The following CDH1 variants were observed in gnomAD, a reference collection of about 807,000 sequenced individuals.
The protein encoded by CDH1 is cadherin 1, also known as cadherin-1.
Under a neutral mutation model 84.5 loss-of-function variants are expected in CDH1, and 35 were observed. The observed-to-expected ratio is 0.41, with a 90% CI of 0.32 to 0.55. The LOEUF is 0.55. CDH1 is among the 20% of genes least tolerant of loss of function. The probability of loss-of-function intolerance (pLI) is 0.19; values close to 1 mark genes in which losing one functional copy is unlikely to be tolerated. For synonymous variants in CDH1, 417 were observed against 439.0 expected (o/e 0.95, Z 0.63); for missense variants, 994 against 1,126.6 (o/e 0.88, Z 1.68).
intron 2 of CDH1, among the ~76,000 whole-genome samples, chr16:68,756,733 G>A (rs977866036): frequency 2.0e-5 from 3 of 152,134 alleles, no homozygotes; most frequent in East Asian, 1.9e-4. Context: ...GGCCGGGTGC[G>A]GTAGCTCATG....
chr16:68,758,560 C>T (rs566576270), intron 2 of CDH1, among the ~76,000 whole-genome samples: 1 of 151,684 alleles, frequency 6.6e-6, no homozygotes, highest in Non-Finnish European at 1.5e-5. Flanking sequence ...TGAATAGTTA[C>T]TGCTCTCCAA....
At chr16:68,748,360 C>T (rs113889492) in intron 2 of CDH1, among the ~76,000 whole-genome samples, 3 of 152,104 alleles carry the variant, frequency 2.0e-5, no homozygotes, top group Non-Finnish European at 4.4e-5. Flanking sequence ...CCCGCCTTGA[C>T]CTCCCAAAGT....
intron 2 of CDH1, among the ~76,000 whole-genome samples, chr16:68,777,229 T>C (rs1381857213): frequency 6.6e-6 from 1 of 152,224 alleles, no homozygotes; most frequent in Non-Finnish European, 1.5e-5. Flanking sequence ...AGCCACGGGC[T>C]CTGGGGCCAG....
At chr16:68,823,237 CAAAAAA>C (rs146046879) in intron 12 of CDH1, 156 bp from the exon 13 acceptor site, 62 of 526,916 alleles carry the variant, frequency 1.2e-4, no homozygotes, top group Middle Eastern at 4.8e-4. Context: ...CTTTTTACAG[CAAAAAA>C]AAAAAAAAAA....
At chr16:68,829,480 T>A (rs565488866) in intron 14 of CDH1, among the ~76,000 whole-genome samples, 174 bp from the exon 15 acceptor site, 33 of 152,328 alleles carry the variant, frequency 2.2e-4, no homozygotes, top group Non-Finnish European at 3.8e-4. Context: ...TTTTTTCCAG[T>A]GCTATTTGGG....
chr16:68,815,365 G>A (rs1336979008), intron 9 of CDH1, 150 bp from the exon 10 acceptor site: 2 of 968,100 alleles, frequency 2.1e-6, no homozygotes, highest in Non-Finnish European at 3.0e-6. Flanking sequence ...AGTAATTGTG[G>A]TTTCTGCCAT....
chr16:68,805,343 T>A (rs576331699), intron 3 of CDH1, among the ~76,000 whole-genome samples: 1 of 152,180 alleles, frequency 6.6e-6, no homozygotes, highest in East Asian at 1.9e-4. Context: ...TTCTGAGGGA[T>A]CACTTCCACG....
intron 1 of CDH1, among the ~76,000 whole-genome samples, chr16:68,738,085 C>T (rs1962447260): frequency 6.6e-6 from 1 of 151,504 alleles, no homozygotes; most frequent in Admixed American, 6.6e-5. Flanking sequence ...GGTGACTCGG[C>T]GGCCCCCTCC....
chr16:68,743,246 G>A (rs745937961), intron 2 of CDH1, among the ~76,000 whole-genome samples: 1 of 151,946 alleles, frequency 6.6e-6, no homozygotes, highest in Non-Finnish European at 1.5e-5. Context: ...TAAAATCCCC[G>A]AGAGGCACCT....
chr16:68,828,064 C>T (rs1286438601), intron 13 of CDH1, 110 bp from the exon 14 acceptor site: 1 of 1,189,700 alleles, frequency 8.4e-7, no homozygotes, highest in African/African-American at 1.5e-5. Flanking sequence ...CAGCTAGTGG[C>T]TGTCTAACTG....
At chr16:68,799,737 G>A (rs1466104231) in intron 2 of CDH1, among the ~76,000 whole-genome samples, 7 of 152,014 alleles carry the variant, frequency 4.6e-5, no homozygotes, top group Non-Finnish European at 8.8e-5. Flanking sequence ...GTTGGGGCCG[G>A]GTGTGGTGGC....
At chr16:68,809,778 G>C (rs184194593) in intron 5 of CDH1, among the ~76,000 whole-genome samples, 1 of 152,056 alleles carries the variant, frequency 6.6e-6, no homozygotes, top group African/African-American at 2.4e-5. Context: ...TGCCCACCTC[G>C]GCCTCCCAAA....
At chr16:68,826,928 G>T (rs1961336625) in intron 13 of CDH1, among the ~76,000 whole-genome samples, 1 of 152,094 alleles carries the variant, frequency 6.6e-6, no homozygotes, top group Non-Finnish European at 1.5e-5. Flanking sequence ...AGGTAGTTGA[G>T]GTACATCTGA....
chr16:68,830,483 G>GA (rs1337325359), intron 15 of CDH1, among the ~76,000 whole-genome samples: 1 of 152,112 alleles, frequency 6.6e-6, no homozygotes, highest in Non-Finnish European at 1.5e-5. Context: ...AAGCCTACCT[G>GA]AGGATTAGAA....
intron 13 of CDH1, 119 bp from the exon 14 acceptor site, chr16:68,828,055 A>G: frequency 1.9e-6 from 2 of 1,059,658 alleles, no homozygotes; most frequent in Non-Finnish European, 2.9e-6. Context: ...TATTGAAGGC[A>G]GCTAGTGGCT....
intron 2 of CDH1, among the ~76,000 whole-genome samples, chr16:68,762,052 C>T (rs1348722670): frequency 6.6e-6 from 1 of 152,194 alleles, no homozygotes; most frequent in Non-Finnish European, 1.5e-5. Flanking sequence ...CCTGCCTGCT[C>T]AGGTTCTGAG....
At chr16:68,798,378 A>G (rs1184582708) in intron 2 of CDH1, among the ~76,000 whole-genome samples, 1 of 152,018 alleles carries the variant, frequency 6.6e-6, no homozygotes, top group East Asian at 1.9e-4. Flanking sequence ...CGTGACAGTG[A>G]GCTTCCCAGA....
intron 3 of CDH1, among the ~76,000 whole-genome samples, chr16:68,803,220 C>A (rs1172497212): frequency 6.6e-6 from 1 of 152,128 alleles, no homozygotes; most frequent in Non-Finnish European, 1.5e-5. Flanking sequence ...TCCTCCCGAT[C>A]TGATTTTTCT....
chr16:68,756,012 C>T (rs191855903), intron 2 of CDH1, among the ~76,000 whole-genome samples: 5 of 152,188 alleles, frequency 3.3e-5, no homozygotes, highest in Non-Finnish European at 7.4e-5. Context: ...GATAAGCCCT[C>T]CTCGGCCTCC....
Sources: allele counts gnomAD v4.1 joint callset (sites outside exome capture counted in the v4.1 genomes callset), GRCh38; gene constraint gnomAD v4.1.1; transcripts MANE v1.5; gene names NCBI Gene and HGNC (gene_info 2026-07-23, HGNC 2026-07-21).